Variants in NARS2 observed in about 807,000 individuals in gnomAD.
NARS2 encodes asparaginyl-tRNA synthetase 2, mitochondrial, also known as asparaginyl-tRNA synthetase.
A neutral mutation model predicts 62.9 loss-of-function variants in NARS2; 60 were observed. The observed-to-expected ratio is 0.95, with a 90% confidence interval of 0.77 to 1.18. The LOEUF is 1.18. Among genes scored for constraint, NARS2 ranks in the 50% most tolerant of loss-of-function variants. The pLI is 0.00. For missense variants in NARS2, 619 were observed against 576.4 expected, an observed-to-expected ratio of 1.07 and a Z score of -0.76; for synonymous variants, 196 against 200.0, an observed-to-expected ratio of 0.98 and a Z score of 0.17.
chr11:78,544,486 G>A (rs1057414803), intron 5 of NARS2, among the ~76,000 whole-genome samples: 4 of 152,076 alleles, frequency 2.6e-5, no homozygotes, highest in Non-Finnish European at 5.9e-5. Context: ...ACTTTCATGC[G>A]GAACTCTTAT....
Position 78,528,710 on chromosome 11 carries a change from T to G in NARS2, c.689+132A>C, listed in dbSNP as rs994075352. The G allele has an allele frequency of 1.9e-5, 12 of 643,406 alleles. No individual in the cohort carries two copies. The African/African-American group carries it at 2.2e-4, about 12-fold the overall frequency. 39.9% of individuals were successfully genotyped at this position (643,406 alleles called of 1,614,324 possible). On this transcript the variant is annotated intron_variant, in intron 6 of 13. Transcript: ENST00000281038. ...AAGTCTGTACTACAAGTAAGAAGCT[T>G]AAATATTTTGGAAAATTCAAGTGAA...
chr11:78,489,096 T>C (rs1371951558), intron 7 of NARS2, among the ~76,000 whole-genome samples: 1 of 152,022 alleles, frequency 6.6e-6, no homozygotes, highest in Non-Finnish European at 1.5e-5. Context: ...ACAAAAAGCA[T>C]AATCCATGAA....
intron 11 of NARS2, among the ~76,000 whole-genome samples, chr11:78,462,546 T>C (rs1858440023): frequency 6.6e-6 from 1 of 152,118 alleles, no homozygotes; most frequent in Admixed American, 6.5e-5. Context: ...CAGTCTGCAG[T>C]CTAGAAAAAA....
intron 7 of NARS2, among the ~76,000 whole-genome samples, chr11:78,478,952 T>C (rs576565779): frequency 5.4e-4 from 83 of 152,308 alleles, no homozygotes; most frequent in African/African-American, 2.0e-3. Flanking sequence ...AATGAACAGC[T>C]GTAACTCATC....
At chr11:78,559,459 A>C (rs1565284079) in intron 5 of NARS2, 80 bp downstream of exon 5, 1 of 954,534 alleles carries the variant, frequency 1.0e-6, no homozygotes, top group African/African-American at 1.6e-5. Flanking sequence ...TCTGTCCACA[A>C]AACTATTATT....
chr11:78,475,645 T>G (rs920268037), intron 9 of NARS2, among the ~76,000 whole-genome samples: 5 of 141,724 alleles, frequency 3.5e-5, no homozygotes, highest in Non-Finnish European at 6.0e-5. Flanking sequence ...CAGGCTGGAG[T>G]GCAGCAGCGT....
At chr11:78,559,060 T>C (rs1375294063) in intron 5 of NARS2, among the ~76,000 whole-genome samples, 1 of 152,102 alleles carries the variant, frequency 6.6e-6, no homozygotes, top group Non-Finnish European at 1.5e-5. Flanking sequence ...ATCCCAGCAC[T>C]CTGGTAGGCC....
chr11:78,555,891 A>T (rs1224197659), intron 5 of NARS2, among the ~76,000 whole-genome samples: 1 of 152,128 alleles, frequency 6.6e-6, no homozygotes, highest in African/African-American at 2.4e-5. Flanking sequence ...CTTTGTTCTC[A>T]TTATTTTCAA....
chr11:78,488,253 A>C (rs1310174359), intron 7 of NARS2, among the ~76,000 whole-genome samples: 3 of 146,458 alleles, frequency 2.0e-5, no homozygotes, highest in Non-Finnish European at 4.5e-5. Context: ...AAAAAAAAAA[A>C]CTGTGTATGT....
chr11:78,548,283 G>T (rs572011342), intron 5 of NARS2, among the ~76,000 whole-genome samples: 1 of 152,264 alleles, frequency 6.6e-6, no homozygotes, highest in South Asian at 2.1e-4. Context: ...AACAAGGGAG[G>T]TATTAATATT....
intron 12 of NARS2, among the ~76,000 whole-genome samples, chr11:78,442,107 T>G (rs936947495): frequency 2.6e-5 from 4 of 152,220 alleles, no homozygotes; most frequent in African/African-American, 4.8e-5. Flanking sequence ...AGGTATTAGG[T>G]AAACATTTAA....
At chr11:78,505,360 G>T (rs1419209115) in intron 6 of NARS2, among the ~76,000 whole-genome samples, 1 of 146,414 alleles carries the variant, frequency 6.8e-6, no homozygotes, top group Non-Finnish European at 1.5e-5. Context: ...AAGAGAAAAA[G>T]AAATTTCAGT....
intron 6 of NARS2, among the ~76,000 whole-genome samples, chr11:78,509,577 T>C (rs1860636148): frequency 6.6e-6 from 1 of 151,962 alleles, no homozygotes; most frequent in African/African-American, 2.4e-5. Context: ...CAAATTTTGG[T>C]TGTAAATCCA....
intron 11 of NARS2, among the ~76,000 whole-genome samples, chr11:78,447,703 G>C (rs910134829): frequency 6.6e-6 from 1 of 152,074 alleles, no homozygotes; most frequent in Non-Finnish European, 1.5e-5. Context: ...TGTGACACAT[G>C]GATGAATCCA....
intron 4 of NARS2, among the ~76,000 whole-genome samples, chr11:78,565,328 C>A (rs1303630845): frequency 6.6e-6 from 1 of 152,166 alleles, no homozygotes; most frequent in East Asian, 1.9e-4. Flanking sequence ...ACCAAAAACA[C>A]TGTAAAACAA....
intron 4 of NARS2, among the ~76,000 whole-genome samples, chr11:78,561,258 A>G (rs548718168): frequency 6.6e-6 from 1 of 152,374 alleles, no homozygotes; most frequent in African/African-American, 2.4e-5. Context: ...GTACAAAGGA[A>G]GAATAATACA....
chr11:78,481,446 A>C (rs1180334365), intron 7 of NARS2, among the ~76,000 whole-genome samples: 2 of 152,204 alleles, frequency 1.3e-5, no homozygotes, highest in Non-Finnish European at 1.5e-5. Flanking sequence ...AATAAAGAGC[A>C]GGTGGATTAG....
chr11:78,466,883 G>T (rs776824455), intron 10 of NARS2, among the ~76,000 whole-genome samples: 13 of 152,104 alleles, frequency 8.5e-5, no homozygotes, highest in Non-Finnish European at 1.9e-4. Context: ...ATACTAATGT[G>T]CCTATTAAAT....
At chr11:78,476,023 T>TAC (rs1859078894) in intron 9 of NARS2, among the ~76,000 whole-genome samples, 1 of 152,226 alleles carries the variant, frequency 6.6e-6, no homozygotes, top group Non-Finnish European at 1.5e-5. Flanking sequence ...ATCTGTATCT[T>TAC]ACACAAATGT....
Sources: gnomAD v4.1 joint callset for allele counts (sites outside exome capture counted in the v4.1 genomes callset) on GRCh38, gnomAD v4.1.1 for gene constraint, MANE v1.5 for transcripts, NCBI Gene and HGNC (gene_info 2026-07-23, HGNC 2026-07-21) for gene names.